SCNN1G: variants seen among roughly 807,000 people sequenced by gnomAD.
The protein encoded by SCNN1G is epithelial sodium channel subunit gamma.
SCNN1G carries 27 observed loss-of-function variants against 64.6 expected under a neutral mutation model. That is an observed-to-expected ratio of 0.42 (90% CI 0.31 to 0.58). The LOEUF (loss-of-function observed/expected upper bound fraction) is 0.58, where lower values mean the gene tolerates loss of function less well. SCNN1G is among the 20% of genes least tolerant of loss of function. SCNN1G has a pLI of 0.18. For synonymous variants in SCNN1G, 330 were observed against 314.2 expected, an observed-to-expected ratio of 1.05 and a Z score of -0.53; for missense variants, 743 against 823.4, an observed-to-expected ratio of 0.90 and a Z score of 1.19.
chr16:23,215,670 C>G lies in SCNN1G; in HGVS notation c.*201C>G, dbSNP rs1026708039. The G allele has an allele frequency of 4.8e-6, 3 of 628,086 alleles. No individual in the cohort carries two copies. The highest frequency in any genetic ancestry group is 8.4e-6 in the Non-Finnish European group (3 of 355,492). 38.9% of individuals were successfully genotyped at this position (628,086 alleles called of 1,614,324 possible). On this transcript the variant is annotated 3_prime_UTR_variant, in exon 13 of 13. Transcript: ENST00000300061. ...AGCCATCGGGTACTACGCAGCAACA[C>G]TCACAACTGTCCAGGCTGAGATAAA...
rs138234267 is a variant in SCNN1G, at chr16:23,213,011, A to G, written c.1432-91A>G. The G allele has an allele frequency of 1.6e-5, 25 of 1,523,722 alleles. No homozygotes were observed. In the African/African-American group the frequency reaches 2.7e-4, roughly 17 times the overall value. The allele number at this position is 1,523,722 out of a possible 1,614,324, so 94.4% of individuals were successfully genotyped here. A position where few individuals can be genotyped will look rare whatever the true frequency, so the allele number is the denominator to read the frequency against. On this transcript the variant is annotated intron_variant, in intron 10 of 12. Transcript: ENST00000300061. ...CAGGGGGAAAAGAATTACCTTGTGG[A>G]GGCTGGGGGACAAGTTGGGGAGCCT...
intron 6 of SCNN1G, among the ~76,000 whole-genome samples, chr16:23,204,306 T>TATATATATATATATATATATATATATAC (rs1959943843): frequency 1.6e-5 from 1 of 63,938 alleles, no homozygotes; most frequent in Non-Finnish European, 3.1e-5. Flanking sequence ...TATATATATA[T>TATATATATATATATATATATATATATAC]ATATATATAT....
At position 23,192,545 on chromosome 16, in the gene SCNN1G, C is replaced by A; in HGVS notation, c.809+3C>A. Reference sequence around the variant, plus strand: ...GATGGAGTGTCCTGTGATGCCAGGTCAGGAGAGAATGCTGCTCTCTCAGCC... The same window carrying A: ...GATGGAGTGTCCTGTGATGCCAGGTAAGGAGAGAATGCTGCTCTCTCAGCC... On this transcript the variant is annotated splice_donor_region_variant and intron_variant, in intron 4 of 12. Coordinates refer to ENST00000300061, the MANE Select transcript of SCNN1G (RefSeq NM_001039.4). The A allele has an allele frequency of 1.2e-6, 2 of 1,610,060 alleles. No individual in the cohort carries two copies. Among genetic ancestry groups the A allele is most frequent in the East Asian group, 2.2e-5 (1 of 44,838 alleles).
Position 23,215,707 on chromosome 16 carries a change from G to T in SCNN1G, c.*238G>T, listed in dbSNP as rs1960150303. ...CAGGCTGAGATAAATCCCGGGACCT[G>T]AACTATTAGCACGTCACTAGAGACT... is the stretch of plus-strand genomic sequence containing the variant. On this transcript the variant is annotated 3_prime_UTR_variant, in exon 13 of 13. Transcript: ENST00000300061. 1.7e-6 allele frequency: 1 copy of T among 590,586 alleles called. No homozygotes were observed. Among genetic ancestry groups the T allele is most frequent in the Admixed American group, 2.9e-5 (1 of 34,048 alleles). 36.6% of individuals were successfully genotyped at this position (590,586 alleles called of 1,614,324 possible). A position where few individuals can be genotyped will look rare whatever the true frequency, so the allele number is the denominator to read the frequency against.
Position 23,194,152 on chromosome 16 carries a change from C to T in SCNN1G, c.810-19C>T, listed in dbSNP as rs1959756963. ...TGCATGGGGGAGATCCCTTTCTGAC[C>T]CATTTTCTTCCTCCATAGGAATTTC... On this transcript the variant is annotated intron_variant, in intron 4 of 12. Transcript: ENST00000300061. 6.4e-7 allele frequency: 1 copy of T among 1,565,588 alleles called. No individual in the cohort carries two copies. Among genetic ancestry groups the T allele is most frequent in the Non-Finnish European group, 8.8e-7 (1 of 1,135,912 alleles).
intron 5 of SCNN1G, among the ~76,000 whole-genome samples, chr16:23,194,712 C>T (rs1959768914): frequency 6.6e-6 from 1 of 152,182 alleles, no homozygotes; most frequent in Admixed American, 6.5e-5. Flanking sequence ...CACTGTGTGA[C>T]CTTGGGCAAG....
At chr16:23,208,101 C>T (rs982950881) in intron 6 of SCNN1G, among the ~76,000 whole-genome samples, 8 of 152,202 alleles carry the variant, frequency 5.3e-5, no homozygotes, top group Non-Finnish European at 1.0e-4. Flanking sequence ...ATCCTCCCAC[C>T]CCCATTTTTG....
chr16:23,205,622 C>A (rs1959976806), intron 6 of SCNN1G, among the ~76,000 whole-genome samples: 1 of 151,860 alleles, frequency 6.6e-6, no homozygotes, highest in Non-Finnish European at 1.5e-5. Flanking sequence ...ATGGCTTACA[C>A]CCGGGAGGTG....
intron 6 of SCNN1G, among the ~76,000 whole-genome samples, chr16:23,207,038 T>C (rs1960002450): frequency 6.6e-6 from 1 of 152,248 alleles, no homozygotes; most frequent in Non-Finnish European, 1.5e-5. Context: ...CCATTTGCTC[T>C]ACTTCTGGTT....
intron 6 of SCNN1G, among the ~76,000 whole-genome samples, chr16:23,201,598 C>T (rs1959890760): frequency 6.6e-6 from 1 of 151,892 alleles, no homozygotes; most frequent in Non-Finnish European, 1.5e-5. Flanking sequence ...CCAAACTAGA[C>T]TTCCTTCCTT....
chr16:23,206,228 A>G (rs1959987972), intron 6 of SCNN1G, among the ~76,000 whole-genome samples: 1 of 152,198 alleles, frequency 6.6e-6, no homozygotes, highest in South Asian at 2.1e-4. Context: ...ATGTGAGAAC[A>G]ATGGTCTGAT....
At position 23,215,442 on chromosome 16, in the gene SCNN1G, A is replaced by G. The variant is rs761792519; in HGVS notation, c.1923A>G (p.Thr641=). ...AGAGGGCCTTTTCCAACCAGCTCAC[A>G]GATACCCAGATGCTGGATGAGCTCT... The part of the protein sequence containing the change: ...RLERAFSNQL[T]DTQMLDEL Residue 641 remains threonine (T), a synonymous_variant, in exon 13 of 13, where the codon ACA becomes ACG. Coordinates refer to ENST00000300061, the MANE Select transcript of SCNN1G (RefSeq NM_001039.4). 5 of 1,612,272 alleles carry G rather than the reference A, an allele frequency of 3.1e-6. No individual in the cohort carries two copies. The highest frequency in any genetic ancestry group is 1.1e-5 in the South Asian group (1 of 91,088).
chr16:23,183,055 G>C (rs1393435387), intron 1 of SCNN1G, among the ~76,000 whole-genome samples: 1 of 152,228 alleles, frequency 6.6e-6, no homozygotes, highest in African/African-American at 2.4e-5. Context: ...CAGAGTCCGG[G>C]GGTCTGGGGG....
Position 23,214,720 on chromosome 16 carries a change from T to C in SCNN1G, c.1502T>C (p.Leu501Ser), listed in dbSNP as rs778921821. 1.2e-6 allele frequency: 2 copies of C among 1,613,966 alleles called. No individual in the cohort carries two copies. The highest frequency in any genetic ancestry group is 1.7e-6 in the Non-Finnish European group (2 of 1,179,828). The change falls in exon 12 of 13, where the codon TTG (leucine) becomes TCG (serine). Residue 501 changes from leucine (L) to serine (S), a missense_variant. Leu to Ser is a moderately radical substitution (Grantham distance 145). Coordinates refer to ENST00000300061, the MANE Select transcript of SCNN1G (RefSeq NM_001039.4). ...CTGTTGGAATTTTGCAGGACAGACT[T>C]GGCCAAACTCTTGATATTCTACAAA... The part of the protein sequence containing the change: ...QVNKKLNKTD[L>S]AKLLIFYKDL...
At chr16:23,209,222 G>A (rs1960040193) in intron 6 of SCNN1G, among the ~76,000 whole-genome samples, 1 of 151,942 alleles carries the variant, frequency 6.6e-6, no homozygotes, top group Admixed American at 6.6e-5. Flanking sequence ...TGACCTCCTG[G>A]GCTCAAGTGA....
chr16:23,199,145 G>A (rs1252555494), intron 6 of SCNN1G, among the ~76,000 whole-genome samples: 1 of 152,198 alleles, frequency 6.6e-6, no homozygotes, highest in East Asian at 1.9e-4. Context: ...CTCTCCAGAG[G>A]GACCACCACT....
intron 2 of SCNN1G, among the ~76,000 whole-genome samples, chr16:23,187,347 G>C (rs540041295): frequency 6.6e-6 from 1 of 152,078 alleles, no homozygotes; most frequent in Non-Finnish European, 1.5e-5. Flanking sequence ...GAGCTCAAGT[G>C]GTGCTGCCAC....
chr16:23,199,927 T>C (rs1959861425), intron 6 of SCNN1G, among the ~76,000 whole-genome samples: 1 of 152,156 alleles, frequency 6.6e-6, no homozygotes, highest in South Asian at 2.1e-4. Context: ...CGCCTCAGCC[T>C]CCCGAAGTGC....
At chr16:23,194,081 A>C (rs1959755610) in intron 4 of SCNN1G, 90 bp from the exon 5 acceptor site, 2 of 850,010 alleles carry the variant, frequency 2.4e-6, no homozygotes, top group African/African-American at 3.3e-5. Context: ...TTCTCCCCAA[A>C]GAGAGTTGGC....
Sources: gnomAD v4.1 joint callset for allele counts (sites outside exome capture counted in the v4.1 genomes callset) on GRCh38, gnomAD v4.1.1 for gene constraint, MANE v1.5 for transcripts, NCBI Gene and HGNC (gene_info 2026-07-23, HGNC 2026-07-21) for gene names.